The following PRKCE variants were observed in gnomAD, a reference collection of about 807,000 sequenced individuals.
The protein encoded by PRKCE is protein kinase C epsilon.
Under a neutral mutation model 85.4 loss-of-function variants are expected in PRKCE, and 16 were observed. The observed-to-expected ratio is 0.19, with a 90% CI of 0.13 to 0.28. The LOEUF (loss-of-function observed/expected upper bound fraction) is 0.28, where lower values mean the gene tolerates loss of function less well. PRKCE is among the 10% of genes least tolerant of loss of function. The pLI is 1.00. For missense variants in PRKCE, 573 were observed against 975.2 expected (o/e 0.59, Z 5.49); for synonymous variants, 388 against 371.5 (o/e 1.04, Z -0.51).
rs545276803 is a variant in PRKCE at position 46,184,548 on chromosome 2, C to T, written c.2068-187C>T. On this transcript the variant is annotated intron_variant, in intron 14 of 14. Coordinates refer to ENST00000306156, the MANE Select transcript of PRKCE (RefSeq NM_005400.3). The surrounding 1 kb of genome is among the most constrained non-coding windows in gnomAD (Gnocchi z 5.0). Reference sequence around the variant, plus strand: ...CACCTTGACTCATTCTTCCTCTCCTCGTCTCTCACCTCCGGGTCCTGGGGC... The same window carrying T: ...CACCTTGACTCATTCTTCCTCTCCTTGTCTCTCACCTCCGGGTCCTGGGGC... Among the ~76,000 whole-genome samples, 44 of 152,254 alleles carry T rather than the reference C, an allele frequency of 2.9e-4. No individual in the cohort carries two copies. The highest frequency in any genetic ancestry group is 1.1e-3 in the African/African-American group (44 of 41,554).
intron 2 of PRKCE, among the ~76,000 whole-genome samples, chr2:45,871,792 C>T (rs1694106704): frequency 6.6e-6 from 1 of 152,146 alleles, no homozygotes; most frequent in Non-Finnish European, 1.5e-5. Flanking sequence ...CTGAGACTGC[C>T]CCAGAGAGGA....
At chr2:46,073,410 C>T (rs547436248) in intron 10 of PRKCE, 1 of 152,156 alleles carries the variant, frequency 6.6e-6, no homozygotes, top group South Asian at 2.1e-4. Context: ...TCAGTTTGTC[C>T]TTTGTCTGAT....
chr2:45,682,859 C>T (rs62128642), intron 1 of PRKCE, among the ~76,000 whole-genome samples: 5,124 of 152,194 alleles, frequency 0.034, 121 homozygotes, highest in Admixed American at 0.055. Flanking sequence ...AGGTGTGAGC[C>T]GCCACGCCCA....
chr2:45,967,372 G>A (rs1372939955), intron 2 of PRKCE, among the ~76,000 whole-genome samples: 1 of 152,036 alleles, frequency 6.6e-6, no homozygotes, highest in Non-Finnish European at 1.5e-5. Flanking sequence ...TCAATTTTGG[G>A]GGCCATCCTG....
chr2:45,770,774 T>A (rs1489806668), intron 1 of PRKCE: 4 of 152,166 alleles, frequency 2.6e-5, no homozygotes, highest in African/African-American at 4.8e-5. Context: ...TATTTCTTCC[T>A]TCCTAAAAAT....
intron 14 of PRKCE, among the ~76,000 whole-genome samples, chr2:46,162,493 C>T (rs973701897): frequency 2.0e-5 from 3 of 152,126 alleles, no homozygotes; most frequent in Non-Finnish European, 4.4e-5. Context: ...TTCCCACTCT[C>T]CCTGCCTCCC....
chr2:45,719,760 A>G (rs1680458608), intron 1 of PRKCE, among the ~76,000 whole-genome samples: 2 of 152,134 alleles, frequency 1.3e-5, no homozygotes. Flanking sequence ...CCACAAAAAC[A>G]ATTAAAATAC....
chr2:45,793,471 C>A (rs1687186350), intron 1 of PRKCE, among the ~76,000 whole-genome samples: 2 of 152,182 alleles, frequency 1.3e-5, no homozygotes, highest in Admixed American at 1.3e-4. Flanking sequence ...GACAGGTGTT[C>A]TATCTCGTTT....
chr2:46,005,341 C>G (rs1268198986), intron 8 of PRKCE, among the ~76,000 whole-genome samples: 1 of 152,128 alleles, frequency 6.6e-6, no homozygotes, highest in Non-Finnish European at 1.5e-5. Context: ...ACCTCCTGCT[C>G]TCGTGACCAT....
intron 1 of PRKCE, among the ~76,000 whole-genome samples, chr2:45,809,575 T>C (rs1688501583): frequency 6.6e-6 from 1 of 152,120 alleles, no homozygotes; most frequent in Non-Finnish European, 1.5e-5. Context: ...ATGTGTTTTT[T>C]TTTCTCACAC....
At chr2:45,849,156 A>T (rs1449877738) in intron 2 of PRKCE, among the ~76,000 whole-genome samples, 1 of 152,186 alleles carries the variant, frequency 6.6e-6, no homozygotes, top group East Asian at 1.9e-4. Flanking sequence ...TTAAATGTTT[A>T]AACTGTCTGA....
intron 1 of PRKCE, among the ~76,000 whole-genome samples, chr2:45,714,917 A>G (rs1005475707): frequency 6.6e-6 from 1 of 152,164 alleles, no homozygotes; most frequent in African/African-American, 2.4e-5. Context: ...TTGCAGCCTC[A>G]TGGTTTGGGT....
At chr2:45,766,680 G>C (rs1324701133) in intron 1 of PRKCE, among the ~76,000 whole-genome samples, 1 of 152,172 alleles carries the variant, frequency 6.6e-6, no homozygotes, top group Non-Finnish European at 1.5e-5. Context: ...CATATCTTGG[G>C]CCTCTTGAAT....
At chr2:45,837,765 C>T (rs959204233) in intron 1 of PRKCE, among the ~76,000 whole-genome samples, 6 of 152,146 alleles carry the variant, frequency 3.9e-5, no homozygotes, top group Non-Finnish European at 8.8e-5. Flanking sequence ...TCCCAGCACT[C>T]TGTGAGGCTG....
At chr2:45,804,529 G>A (rs569754798) in intron 1 of PRKCE, among the ~76,000 whole-genome samples, 1 of 152,324 alleles carries the variant, frequency 6.6e-6, no homozygotes, top group African/African-American at 2.4e-5. Context: ...CTGAGGTGCT[G>A]AAGTATGTGG....
chr2:46,169,246 G>C (rs1414796450), intron 14 of PRKCE, among the ~76,000 whole-genome samples: 1 of 152,212 alleles, frequency 6.6e-6, no homozygotes, highest in East Asian at 1.9e-4. Context: ...GTGCTGGGGA[G>C]GGGGATGGTA....
At chr2:45,671,928 C>T (rs1657791403) in intron 1 of PRKCE, among the ~76,000 whole-genome samples, 2 of 151,984 alleles carry the variant, frequency 1.3e-5, no homozygotes, top group East Asian at 1.9e-4. Flanking sequence ...CTAGGCATGA[C>T]GGCATGCACC....
intron 1 of PRKCE, among the ~76,000 whole-genome samples, chr2:45,741,043 A>G (rs567089572): frequency 3.3e-5 from 5 of 152,370 alleles, no homozygotes; most frequent in African/African-American, 1.2e-4. Flanking sequence ...TTTTTGTGAA[A>G]AAATTAAAAA....
At chr2:45,781,689 G>A (rs1159178021) in intron 1 of PRKCE, among the ~76,000 whole-genome samples, 1 of 151,964 alleles carries the variant, frequency 6.6e-6, no homozygotes, top group Non-Finnish European at 1.5e-5. Flanking sequence ...ATCTGATAAT[G>A]TAGTTTGCTG....
Sources: allele counts gnomAD v4.1 joint callset (sites outside exome capture counted in the v4.1 genomes callset), GRCh38; gene constraint gnomAD v4.1.1; non-coding constraint Gnocchi (gnomAD v3.1); transcripts MANE v1.5; gene names NCBI Gene and HGNC (gene_info 2026-07-23, HGNC 2026-07-21).